Variants in ST3GAL5 observed in about 807,000 individuals in gnomAD.
The protein encoded by ST3GAL5 is lactosylceramide alpha-2,3-sialyltransferase.
A neutral mutation model predicts 46.1 loss-of-function variants in ST3GAL5; 25 were observed. The ratio of observed to expected loss-of-function variants is 0.54; its 90% CI spans 0.40 to 0.76. The LOEUF (loss-of-function observed/expected upper bound fraction) is 0.76. Ranked by LOEUF, ST3GAL5 falls within the 30% of genes least tolerant of loss-of-function variation. The probability of loss-of-function intolerance (pLI) is 0.00; values close to 1 mark genes in which losing one functional copy is unlikely to be tolerated. For missense variants in ST3GAL5, 431 were observed against 521.2 expected (o/e 0.83, Z 1.69); for synonymous variants, 182 against 192.7 (o/e 0.94, Z 0.46).
intron 1 of ST3GAL5, among the ~76,000 whole-genome samples, chr2:85,878,376 T>A (rs1345076924): frequency 1.3e-5 from 2 of 152,232 alleles, no homozygotes; most frequent in Admixed American, 6.5e-5. Context: ...TATACTATCA[T>A]GACGGGGGTC....
intron 5 of ST3GAL5, 70 bp downstream of exon 5, chr2:85,846,307 T>C: frequency 7.1e-7 from 1 of 1,414,300 alleles, no homozygotes; most frequent in Non-Finnish European, 9.9e-7. Flanking sequence ...AATAAAAGGC[T>C]ATAATTACAA....
intron 1 of ST3GAL5, chr2:85,869,977 AG>A: frequency 5.8e-6 from 2 of 344,970 alleles, no homozygotes; most frequent in Admixed American, 3.6e-5. Flanking sequence ...GCCTCCGTTC[AG>A]TTAAGCAAAC....
At position 85,861,316 on chromosome 2, in the gene ST3GAL5, T is replaced by C. The variant is rs748490878; in HGVS notation, c.207-24A>G. On this transcript the variant is annotated intron_variant, in intron 2 of 6. Transcript: ENST00000638572. Reference sequence around the variant, plus strand: ...ATCTGGAAAAAAATCAATTAGGTATTATGATGTAGTCATGTGAGAATCATG... The same window carrying C: ...ATCTGGAAAAAAATCAATTAGGTATCATGATGTAGTCATGTGAGAATCATG... 3.1e-5 allele frequency: 44 copies of C among 1,413,034 alleles called. No homozygotes were observed. In the Middle Eastern group the frequency reaches 7.0e-4, roughly 23 times the overall value. 87.5% of individuals were successfully genotyped at this position (1,413,034 alleles called of 1,614,324 possible). A position where few individuals can be genotyped will look rare whatever the true frequency, so the allele number is the denominator to read the frequency against.
At chr2:85,852,928 A>G (rs1444510652) in intron 3 of ST3GAL5, 1 of 1,301,860 alleles carries the variant, frequency 7.7e-7, no homozygotes, top group East Asian at 5.5e-5. Context: ...CTCGGTTTGA[A>G]GATGCTGGTG....
At chr2:85,850,517 AGGTGATGCTCC>A (rs1027395493) in intron 3 of ST3GAL5, 1 of 152,372 alleles carries the variant, frequency 6.6e-6, no homozygotes, top group African/African-American at 2.4e-5. Flanking sequence ...CCTGCCCAGC[AGGTGATGCTCC>A]GGGTGCTTAA....
chr2:85,863,732 G>T (rs1684979001), intron 1 of ST3GAL5, among the ~76,000 whole-genome samples: 1 of 151,248 alleles, frequency 6.6e-6, no homozygotes, highest in Non-Finnish European at 1.5e-5. Context: ...TTCTGAGACG[G>T]AGTCTTGCTC....
intron 3 of ST3GAL5, chr2:85,855,914 G>GAT (rs1329700645): frequency 3.3e-5 from 5 of 152,184 alleles, no homozygotes; most frequent in African/African-American, 1.2e-4. Context: ...CATCTATCAG[G>GAT]ATGACAGTAG....
rs1341887128 is a variant in ST3GAL5 at position 85,844,451 on chromosome 2, G to A, written c.953C>T (p.Ala318Val). The change falls in exon 6 of 7, where the codon GCC (alanine) becomes GTC (valine). Residue 318 changes from alanine (A) to valine (V), a missense_variant. Ala to Val is a moderately conservative substitution (Grantham distance 64). Transcript: ENST00000638572. ...ILNPVIIKET[A>V]FDILQYSEPQ... Reference sequence around the variant, plus strand: ...CTCTGAGTACTGAAGGATGTCAAAGGCAGTCTCTTTGATGATAACTGGATT... The same window carrying A: ...CTCTGAGTACTGAAGGATGTCAAAGACAGTCTCTTTGATGATAACTGGATT... 1.2e-6 allele frequency: 2 copies of A among 1,614,214 alleles called. No homozygotes were observed. Among genetic ancestry groups the A allele is most frequent in the Non-Finnish European group, 1.7e-6 (2 of 1,180,032 alleles).
intron 1 of ST3GAL5, chr2:85,881,049 C>T (rs935955791): frequency 6.2e-5 from 29 of 467,522 alleles, no homozygotes; most frequent in African/African-American, 1.0e-4. Flanking sequence ...AATTGAATCA[C>T]GGGGGCTGGT....
chr2:85,840,673 C>T (rs1470875815), intron 6 of ST3GAL5, among the ~76,000 whole-genome samples: 2 of 152,046 alleles, frequency 1.3e-5, no homozygotes, highest in East Asian at 3.9e-4. Context: ...AGGCCAGGTG[C>T]GGTGGCTCAC....
upstream of ST3GAL5, chr2:85,889,010 C>CCCAT: frequency 1.1e-6 from 1 of 895,346 alleles, no homozygotes; most frequent in Non-Finnish European, 1.4e-6. Flanking sequence ...CGCTCCCCCG[C>CCCAT]TCAGATGCGG....
chr2:85,846,557 G>T lies in ST3GAL5; in HGVS notation c.669C>A (p.Asn223Lys). 6.2e-6 allele frequency: 10 copies of T among 1,614,056 alleles called. No individual in the cohort carries two copies. The highest frequency in any genetic ancestry group is 7.6e-6 in the Non-Finnish European group (9 of 1,180,000). The part of the protein sequence containing the change: ...LNQFDVVIRL[N>K]SAPVEGYSEH... ...CTGAATATCCCTCAACTGGTGCACT[G>T]TTTAACCTATTTAAATAAAAAGGAC... Residue 223 changes from asparagine to lysine, a missense_variant, in exon 5 of 7, where the codon AAC becomes AAA. Asn to Lys is a moderately conservative substitution (Grantham distance 94). Transcript: ENST00000638572.
At chr2:85,872,452 G>A (rs111568748) in intron 1 of ST3GAL5, among the ~76,000 whole-genome samples, 103 of 152,098 alleles carry the variant, frequency 6.8e-4, no homozygotes, top group African/African-American at 2.3e-3. Context: ...GCATGGTGGC[G>A]CACGCTTGTA....
Position 85,844,518 on chromosome 2 carries a change from C to T in ST3GAL5, c.886G>A (p.Ala296Thr). 1.2e-6 allele frequency: 2 copies of T among 1,614,080 alleles called. No individual in the cohort carries two copies. Among genetic ancestry groups the T allele is most frequent in the African/African-American group, 1.3e-5 (1 of 75,010 alleles). ...WVRLFFWKQV[A>T]EKIPLQPKHF... is the part of the protein sequence containing the mutation. ...TTTGGCTGCAGTGGGATTTTTTCTGCCACCTGCTTCCAAAAGAAGAGTCGT... is the reference window on the plus strand; with the variant it reads ...TTTGGCTGCAGTGGGATTTTTTCTGTCACCTGCTTCCAAAAGAAGAGTCGT... Residue 296 changes from alanine (A) to threonine (T), a missense_variant, in exon 6 of 7, where the codon GCA becomes ACA. Ala to Thr is a moderately conservative substitution (Grantham distance 58). Coordinates refer to ENST00000638572, the MANE Select transcript of ST3GAL5 (RefSeq NM_003896.4).
intron 1 of ST3GAL5, 76 bp downstream of exon 1, chr2:85,888,748 G>A (rs1413627774): frequency 1.3e-5 from 14 of 1,094,348 alleles, no homozygotes; most frequent in Non-Finnish European, 1.6e-5. Context: ...CAGCCGGCCC[G>A]GGAAGAGACA....
chr2:85,856,014 A>T (rs1460640552), intron 3 of ST3GAL5: 2 of 152,224 alleles, frequency 1.3e-5, no homozygotes, highest in East Asian at 3.8e-4. Flanking sequence ...AAATAATGCA[A>T]CCATTTTGGA....
intron 1 of ST3GAL5, chr2:85,880,852 CATTTTAAAA>C (rs1355438630): frequency 2.0e-6 from 1 of 510,650 alleles, no homozygotes; most frequent in Non-Finnish European, 3.9e-6. Context: ...CTCATAATCT[CATTTTAAAA>C]AATAGACAAG....
Position 85,846,416 on chromosome 2 carries a change from A to AT in ST3GAL5, c.809dup (p.Asp270GlufsTer51). 6.2e-7 allele frequency: 1 copy of AT among 1,614,206 alleles called. No individual in the cohort carries two copies. The highest frequency in any genetic ancestry group is 8.5e-7 in the Non-Finnish European group (1 of 1,180,032). ...TTACCATTGCTTGAAGCCAGTTGAAATCAACACTCTTAAATAAAACAGCAA... is the reference window on the plus strand; with the variant it reads ...TTACCATTGCTTGAAGCCAGTTGAAATTCAACACTCTTAAATAAAACAGCAA... On this transcript the variant is annotated frameshift_variant, in exon 5 of 7. Transcript: ENST00000638572. LOFTEE classifies it high-confidence loss of function.
intron 3 of ST3GAL5, chr2:85,854,639 C>A (rs1390699194): frequency 6.6e-6 from 1 of 152,190 alleles, no homozygotes; most frequent in East Asian, 1.9e-4. Flanking sequence ...ATTTTCTGTA[C>A]AATCTAGAGT....
Sources: allele counts gnomAD v4.1 joint callset (sites outside exome capture counted in the v4.1 genomes callset), GRCh38; gene constraint gnomAD v4.1.1; transcripts MANE v1.5; gene names NCBI Gene and HGNC (gene_info 2026-07-23, HGNC 2026-07-21).